Variants in DPYD observed in about 807,000 individuals in gnomAD.
DPYD encodes the protein dihydropyrimidine dehydrogenase [NADP(+)].
DPYD carries 109 observed loss-of-function variants against 116.2 expected under a neutral mutation model. The ratio of observed to expected loss-of-function variants is 0.94; its 90% CI spans 0.80 to 1.10. The LOEUF is 1.10. Ranked by LOEUF, DPYD falls within the 50% of genes least tolerant of loss-of-function variation. The probability of loss-of-function intolerance (pLI) is 0.00; values close to 1 mark genes in which losing one functional copy is unlikely to be tolerated. For synonymous variants in DPYD, 440 were observed against 432.0 expected, an observed-to-expected ratio of 1.02 and a Z score of -0.23; for missense variants, 1,302 against 1,254.5, an observed-to-expected ratio of 1.04 and a Z score of -0.57.
chr1:97,306,039 C>G (rs1667139975), intron 17 of DPYD, 138 bp downstream of exon 17: 1 of 1,343,170 alleles, frequency 7.4e-7, no homozygotes, highest in African/African-American at 1.4e-5. Flanking sequence ...TTTGTGGGAT[C>G]AAGTGCTCAA....
At chr1:97,302,555 A>G (rs1360287536) in intron 18 of DPYD, among the ~76,000 whole-genome samples, 2 of 151,888 alleles carry the variant, frequency 1.3e-5, no homozygotes, top group African/African-American at 4.8e-5. Flanking sequence ...TGAGGTCCTA[A>G]TTTGCTCTCT....
intron 13 of DPYD, among the ~76,000 whole-genome samples, chr1:97,511,633 T>C (rs1647808340): frequency 6.6e-6 from 1 of 151,906 alleles, no homozygotes; most frequent in Non-Finnish European, 1.5e-5. Flanking sequence ...AAGGGTGATA[T>C]GGGGTCAATA....
intron 16 of DPYD, among the ~76,000 whole-genome samples, chr1:97,349,818 T>C (rs1024840477): frequency 1.2e-4 from 18 of 152,098 alleles, no homozygotes; most frequent in Non-Finnish European, 2.4e-4. Flanking sequence ...CGTGTGCATG[T>C]GTCTTTATAG....
intron 13 of DPYD, among the ~76,000 whole-genome samples, chr1:97,482,548 G>A (rs187329438): frequency 6.6e-6 from 1 of 152,250 alleles, no homozygotes; most frequent in African/African-American, 2.4e-5. Flanking sequence ...GGTACACATG[G>A]CTAAAGAACT....
At chr1:97,470,110 A>T (rs1374611020) in intron 13 of DPYD, among the ~76,000 whole-genome samples, 3 of 152,216 alleles carry the variant, frequency 2.0e-5, no homozygotes, top group African/African-American at 7.2e-5. Flanking sequence ...GTATATATTG[A>T]TTCTCATAAA....
At chr1:97,307,225 T>C (rs1667227473) in intron 16 of DPYD, among the ~76,000 whole-genome samples, 1 of 151,918 alleles carries the variant, frequency 6.6e-6, no homozygotes, top group South Asian at 2.1e-4. Flanking sequence ...TACCTTAAAG[T>C]ATGCAATAGC....
chr1:97,450,127 T>G lies in DPYD; in HGVS notation c.1837A>C (p.Ile613Leu), dbSNP rs769466648. 27 of 1,614,016 alleles carry G rather than the reference T, an allele frequency of 1.7e-5. No individual in the cohort carries two copies. The South Asian group carries it at 3.0e-4, about 18-fold the overall frequency. ...GQSSFLNIEL[I>L]SEKTAAYWCQ... ...CAATATGCAGCCGTTTTCTCACTGA[T>G]GAGCTCAATATTCAGAAAGGAGCTT... Residue 613 changes from isoleucine (I) to leucine (L), a missense_variant, in exon 14 of 23, where the codon ATC becomes CTC. Physicochemically the swap from Ile to Leu is conservative, Grantham distance 5. Coordinates refer to ENST00000370192, the MANE Select transcript of DPYD (RefSeq NM_000110.4).
chr1:97,751,460 G>GTGTATGTATATATA (rs763260651), intron 3 of DPYD, among the ~76,000 whole-genome samples: 3 of 21,290 alleles, frequency 1.4e-4, no homozygotes, highest in Non-Finnish European at 2.4e-4. Flanking sequence ...GTGTGTGTGT[G>GTGTATGTATATATA]TATATATATA....
At chr1:97,882,541 G>A (rs1028017514) in intron 2 of DPYD, among the ~76,000 whole-genome samples, 4 of 152,006 alleles carry the variant, frequency 2.6e-5, no homozygotes, top group African/African-American at 4.8e-5. Context: ...TTAATTTGGG[G>A]TAATCTGGGG....
In DPYD at chr1:97,234,939, C is replaced by G; in HGVS notation, c.2355G>C (p.Leu785=). ...CAGTAGCCAAAATGGGAAATCCAGG[C>G]AGAGCACGAGCAATGGAGGTCACAG... ...LRAVTSIARA[L]PGFPILATGG... The change falls in exon 19 of 23, where the codon CTG becomes CTC. Residue 785 remains leucine (L), a synonymous_variant. Transcript: ENST00000370192. 1.2e-6 allele frequency: 2 copies of G among 1,614,052 alleles called. No homozygotes were observed. The highest frequency in any genetic ancestry group is 1.7e-6 in the Non-Finnish European group (2 of 1,179,970).
chr1:97,477,989 C>T (rs1046716914), intron 13 of DPYD, among the ~76,000 whole-genome samples: 27 of 152,204 alleles, frequency 1.8e-4, no homozygotes, highest in Admixed American at 1.0e-3. Context: ...AGAGGTATCA[C>T]TATAGCAGTT....
At chr1:97,229,395 G>C (rs151161596) in intron 19 of DPYD, among the ~76,000 whole-genome samples, 1 of 149,800 alleles carries the variant, frequency 6.7e-6, no homozygotes, top group Non-Finnish European at 1.5e-5. Context: ...TATACTGAAC[G>C]AAAGGTTAGG....
Position 97,484,804 on chromosome 1 carries a change from C to G in DPYD, c.1740+30922G>C, listed in dbSNP as rs537036621. On this transcript the variant is annotated intron_variant, in intron 13 of 22. Coordinates refer to ENST00000370192, the MANE Select transcript of DPYD (RefSeq NM_000110.4). ...TTCCAATATTTCTTCTTTGATTTGT[C>G]AATTGTAATAGCATTATATTTTTAT... 1.0e-3 allele frequency among the ~76,000 whole-genome samples: 153 copies of G among 152,238 alleles called. 3 individuals are homozygous for G. In the South Asian group the frequency reaches 0.03, roughly 30 times the overall value.
In DPYD at chr1:97,560,483, A is replaced by T. The variant is rs1652061288; in HGVS notation, c.1340-10739T>A. Among the ~76,000 whole-genome samples the T allele has an allele frequency of 2.0e-5, 3 of 150,962 alleles. No individual in the cohort carries two copies. In the South Asian group the frequency reaches 6.3e-4, roughly 31 times the overall value. ...AGACATAAGACAGTGTACACAAGCTATTCTTCCCAGGTGTTTCATAATTTT... is the reference window on the plus strand; with the variant it reads ...AGACATAAGACAGTGTACACAAGCTTTTCTTCCCAGGTGTTTCATAATTTT... On this transcript the variant is annotated intron_variant, in intron 11 of 22. Coordinates refer to ENST00000370192, the MANE Select transcript of DPYD (RefSeq NM_000110.4).
At chr1:97,591,033 G>A (rs999101981) in intron 10 of DPYD, among the ~76,000 whole-genome samples, 1 of 152,192 alleles carries the variant, frequency 6.6e-6, no homozygotes, top group Admixed American at 6.5e-5. Context: ...CTATTCTGAT[G>A]ATACTGGCGT....
intron 8 of DPYD, among the ~76,000 whole-genome samples, chr1:97,650,320 G>A (rs1283777284): frequency 6.6e-6 from 1 of 152,032 alleles, no homozygotes; most frequent in African/African-American, 2.4e-5. Flanking sequence ...AGTAGAAAAA[G>A]GAGCAAAACT....
At chr1:97,602,961 C>T (rs908697170) in intron 8 of DPYD, among the ~76,000 whole-genome samples, 1 of 151,754 alleles carries the variant, frequency 6.6e-6, no homozygotes, top group Non-Finnish European at 1.5e-5. Flanking sequence ...TAAATTTATC[C>T]TCATTACTCT....
At chr1:97,112,308 A>AC (rs1651657303) in intron 20 of DPYD, among the ~76,000 whole-genome samples, 1 of 152,134 alleles carries the variant, frequency 6.6e-6, no homozygotes, top group Non-Finnish European at 1.5e-5. Context: ...AGAACTGCTT[A>AC]TTTCACATTT....
chr1:97,912,342 TATG>T (rs1453265062), intron 1 of DPYD, among the ~76,000 whole-genome samples: 4 of 152,078 alleles, frequency 2.6e-5, no homozygotes, highest in Non-Finnish European at 5.9e-5. Flanking sequence ...AAGGTAAATG[TATG>T]ATAATAAGAG....
Sources: allele counts gnomAD v4.1 joint callset (sites outside exome capture counted in the v4.1 genomes callset), GRCh38; gene constraint gnomAD v4.1.1; transcripts MANE v1.5; gene names NCBI Gene and HGNC (gene_info 2026-07-23, HGNC 2026-07-21).